The following FMNL2 variants were observed in gnomAD, a reference collection of about 807,000 sequenced individuals.
FMNL2 encodes the protein formin like 2.
FMNL2 carries 51 observed loss-of-function variants against 130.2 expected under a neutral mutation model. The observed-to-expected ratio is 0.39, with a 90% confidence interval of 0.31 to 0.49. The LOEUF is 0.49. FMNL2 is among the 20% of genes least tolerant of loss of function. The probability of loss-of-function intolerance (pLI) is 0.85; values close to 1 mark genes in which losing one functional copy is unlikely to be tolerated. For synonymous variants in FMNL2, 465 were observed against 467.1 expected (o/e 1.00, Z 0.06); for missense variants, 977 against 1,316.2 (o/e 0.74, Z 3.99).
At chr2:152,595,115 C>T (rs1041219915) in intron 9 of FMNL2, among the ~76,000 whole-genome samples, 2 of 152,088 alleles carry the variant, frequency 1.3e-5, no homozygotes, top group South Asian at 2.1e-4. Flanking sequence ...GTACTAGCAA[C>T]ACATGTGATA....
intron 9 of FMNL2, among the ~76,000 whole-genome samples, chr2:152,591,288 C>T (rs111458204): frequency 0.13 from 19,359 of 151,988 alleles, 1,359 homozygotes; most frequent in African/African-American, 0.18. Context: ...GGATTACAGG[C>T]GTGAGCCACT....
intron 1 of FMNL2, among the ~76,000 whole-genome samples, chr2:152,337,855 C>G (rs1278205814): frequency 6.6e-6 from 1 of 152,082 alleles, no homozygotes; most frequent in South Asian, 2.1e-4. Context: ...TTTTGGGGGA[C>G]CAGGTCAGCT....
intron 1 of FMNL2, among the ~76,000 whole-genome samples, chr2:152,344,891 C>G (rs1051508001): frequency 6.6e-6 from 1 of 152,106 alleles, no homozygotes; most frequent in African/African-American, 2.4e-5. Flanking sequence ...AATTGGCATG[C>G]TTATATAAGC....
At chr2:152,514,528 T>C (rs4664113) in intron 1 of FMNL2, among the ~76,000 whole-genome samples, 112,007 of 152,028 alleles carry the variant, frequency 0.74, 41,704 homozygotes, top group Non-Finnish European at 0.81. Flanking sequence ...TTTTGTACTA[T>C]TTTATAGTAA....
At chr2:152,571,129 G>C (rs1025765371) in intron 6 of FMNL2, among the ~76,000 whole-genome samples, 3 of 152,164 alleles carry the variant, frequency 2.0e-5, no homozygotes, top group African/African-American at 7.2e-5. Flanking sequence ...TCTGGCAGGG[G>C]CAGGATGGCG....
chr2:152,340,793 G>A (rs1159915288), intron 1 of FMNL2, among the ~76,000 whole-genome samples: 1 of 152,192 alleles, frequency 6.6e-6, no homozygotes, highest in Non-Finnish European at 1.5e-5. Context: ...CCGGGTTCAA[G>A]TGATTCTCCT....
intron 2 of FMNL2, among the ~76,000 whole-genome samples, chr2:152,542,239 A>G (rs1324364289): frequency 6.6e-6 from 1 of 152,240 alleles, no homozygotes; most frequent in Non-Finnish European, 1.5e-5. Flanking sequence ...CTCGTTGCTC[A>G]TATTTGAAAA....
intron 25 of FMNL2, among the ~76,000 whole-genome samples, chr2:152,641,571 T>G (rs564036049): frequency 1.5e-4 from 23 of 152,374 alleles, no homozygotes; most frequent in African/African-American, 5.5e-4. Context: ...ATGTTGCTTA[T>G]AAGCTTCCAG....
chr2:152,596,273 T>A (rs940676507), intron 9 of FMNL2, among the ~76,000 whole-genome samples: 2 of 152,162 alleles, frequency 1.3e-5, no homozygotes, highest in African/African-American at 4.8e-5. Flanking sequence ...GTCTTTTTTT[T>A]CTACCTTGGA....
intron 1 of FMNL2, among the ~76,000 whole-genome samples, chr2:152,368,097 G>A (rs975091906): frequency 6.6e-6 from 1 of 152,148 alleles, no homozygotes; most frequent in Non-Finnish European, 1.5e-5. Context: ...TTTTGCTGAA[G>A]TTCAAGGCTT....
rs2105597042 is a variant in FMNL2, at chr2:152,560,749, C to T, written c.444-134C>T. 5 of 725,008 alleles carry T rather than the reference C, an allele frequency of 6.9e-6. No individual in the cohort carries two copies. The South Asian group carries it at 1.6e-4, about 23-fold the overall frequency. The allele number at this position is 725,008 out of a possible 1,614,324, so 44.9% of individuals were successfully genotyped here. On this transcript the variant is annotated intron_variant, in intron 5 of 25. Transcript: ENST00000288670. ...ATAGAAATTCCATTATATTTCCTTT[C>T]CAGTTTTCTTTGTTTACAAAGACTT...
At chr2:152,345,545 C>T (rs928980322) in intron 1 of FMNL2, among the ~76,000 whole-genome samples, 4 of 152,194 alleles carry the variant, frequency 2.6e-5, no homozygotes, top group African/African-American at 9.7e-5. Flanking sequence ...GGGTGAATAG[C>T]TTTGTTAGGT....
At chr2:152,467,415 C>T (rs548959830) in intron 1 of FMNL2, among the ~76,000 whole-genome samples, 27 of 152,268 alleles carry the variant, frequency 1.8e-4, no homozygotes, top group African/African-American at 6.3e-4. Context: ...TCTTGCTTGT[C>T]CCGTTTGTTA....
rs1693608239 is a variant in FMNL2, at chr2:152,530,126, T to C, written c.201+8100T>C. On this transcript the variant is annotated intron_variant, in intron 2 of 25. Coordinates refer to ENST00000288670, the MANE Select transcript of FMNL2 (RefSeq NM_052905.4). Reference sequence around the variant, plus strand: ...GCTGGCTTAGACTACGTGGTTGTCTTGTTTAAAGTAAAGTTTATCATATGA... The same window carrying C: ...GCTGGCTTAGACTACGTGGTTGTCTCGTTTAAAGTAAAGTTTATCATATGA... Among the ~76,000 whole-genome samples the C allele has an allele frequency of 1.3e-5, 2 of 152,236 alleles. 1 individual carries two copies. Among genetic ancestry groups the C allele is most frequent in the South Asian group, 4.1e-4 (2 of 4,832 alleles).
At chr2:152,415,590 G>A (rs1006168961) in intron 1 of FMNL2, among the ~76,000 whole-genome samples, 2 of 152,176 alleles carry the variant, frequency 1.3e-5, no homozygotes, top group African/African-American at 4.8e-5. Flanking sequence ...TGACACACTG[G>A]TCTATTTTTG....
intron 1 of FMNL2, among the ~76,000 whole-genome samples, chr2:152,380,859 C>T (rs893378171): frequency 2.0e-5 from 3 of 152,136 alleles, no homozygotes; most frequent in South Asian, 2.1e-4. Flanking sequence ...TGCAGGGTGG[C>T]GACAGTGAGA....
intron 1 of FMNL2, among the ~76,000 whole-genome samples, chr2:152,380,326 G>A (rs943148446): frequency 6.6e-6 from 1 of 152,184 alleles, no homozygotes; most frequent in African/African-American, 2.4e-5. Context: ...TTTTGCTTGT[G>A]GTGACGTAGC....
chr2:152,374,768 C>G (rs1013957638), intron 1 of FMNL2, among the ~76,000 whole-genome samples: 2 of 152,204 alleles, frequency 1.3e-5, no homozygotes, highest in Non-Finnish European at 2.9e-5. Context: ...AGATCATCGT[C>G]TAATGGGCCT....
chr2:152,497,690 T>C (rs1277261781), intron 1 of FMNL2, among the ~76,000 whole-genome samples: 2 of 152,344 alleles, frequency 1.3e-5, no homozygotes, highest in Non-Finnish European at 1.5e-5. Flanking sequence ...AGGTGGTATT[T>C]TTTGTTGTTG....
Sources: gnomAD v4.1 joint callset for allele counts (sites outside exome capture counted in the v4.1 genomes callset) on GRCh38, gnomAD v4.1.1 for gene constraint, MANE v1.5 for transcripts, NCBI Gene and HGNC (gene_info 2026-07-23, HGNC 2026-07-21) for gene names.